COL9A2: variants seen among roughly 807,000 people sequenced by gnomAD.
The protein encoded by COL9A2 is collagen alpha-2(IX) chain.
COL9A2 carries 66 observed loss-of-function variants against 111.6 expected under a neutral mutation model. The observed-to-expected ratio is 0.59, with a 90% CI of 0.48 to 0.73. The LOEUF is 0.73. COL9A2 is among the 30% of genes least tolerant of loss of function. The pLI, the probability that COL9A2 is intolerant of heterozygous loss-of-function variation, is 0.00. For synonymous variants in COL9A2, 353 were observed against 364.1 expected (o/e 0.97, Z 0.35); for missense variants, 881 against 954.1 (o/e 0.92, Z 1.01).
At position 40,307,371 on chromosome 1, in the gene COL9A2, C is replaced by T. The variant is rs1557797860; in HGVS notation, c.1008+75G>A. Reference sequence around the variant, plus strand: ...CAAGAGGTGGTGATTGAGCAAGAGCCCCGGGTGTGTGTGGATTCTAACCTC... The same window carrying T: ...CAAGAGGTGGTGATTGAGCAAGAGCTCCGGGTGTGTGTGGATTCTAACCTC... On this transcript the variant is annotated intron_variant, in intron 19 of 31. Coordinates refer to ENST00000372748, the MANE Select transcript of COL9A2 (RefSeq NM_001852.4). This position sits in a 1 kb window ranked among gnomAD's most constrained non-coding sequence, Gnocchi z 4.8. 2 of 1,423,260 alleles carry T rather than the reference C, an allele frequency of 1.4e-6. No individual in the cohort carries two copies. The highest frequency in any genetic ancestry group is 2.4e-5 in the East Asian group (1 of 42,288). The allele number at this position is 1,423,260 out of a possible 1,614,324, so 88.2% of individuals were successfully genotyped here.
At position 40,311,822 on chromosome 1, in the gene COL9A2, T is replaced by A; in HGVS notation, c.418-107A>T. ...TGCCCTCTCCACCCTGTCTTCCCGG[T>A]CACTTTGTGAGATCCACCATCTTGG... On this transcript the variant is annotated intron_variant, in intron 8 of 31. Transcript: ENST00000372748. This position sits in a 1 kb window ranked among gnomAD's most constrained non-coding sequence, Gnocchi z 5.1. 1 of 1,240,468 alleles carries A rather than the reference T, an allele frequency of 8.1e-7. No individual in the cohort carries two copies. Among genetic ancestry groups the A allele is most frequent in the Non-Finnish European group, 1.2e-6 (1 of 846,084 alleles). 76.8% of individuals were successfully genotyped at this position (1,240,468 alleles called of 1,614,324 possible).
chr1:40,308,212 T>C lies in COL9A2; in HGVS notation c.880A>G (p.Thr294Ala), dbSNP rs1644060682. ...CCTACCGTTGCTCCTTTCGGGCCTG[T>C]GATCCCCTGGGGTCCACGAATACCT... ...SPGIRGPQGI[T>A]GPKGATGPPG... The change falls in exon 17 of 32, where the codon ACA (threonine) becomes GCA (alanine). Residue 294 changes from threonine to alanine, a missense_variant. Physicochemically the swap from Thr to Ala is moderately conservative, Grantham distance 58 (BLOSUM62 0). Transcript: ENST00000372748. The C allele has an allele frequency of 1.2e-6, 2 of 1,614,012 alleles. No individual in the cohort carries two copies. Among genetic ancestry groups the C allele is most frequent in the Non-Finnish European group, 1.7e-6 (2 of 1,180,026 alleles).
In COL9A2 at chr1:40,304,353, C is replaced by T. The variant is rs35454564; in HGVS notation, c.1254G>A (p.Gly418=). The part of the protein sequence containing the change: ...KGEQGPPGIP[G]PQGLPGVKGD... ...CTTTGACGCCTGGCAAGCCTTGGGG[C>T]CCTGGAATTCCGGGGGGGCCCTGCT... The change falls in exon 24 of 32, where the codon GGG becomes GGA. Residue 418 remains glycine, a synonymous_variant. Coordinates refer to ENST00000372748, the MANE Select transcript of COL9A2 (RefSeq NM_001852.4). 1 of 1,576,836 alleles carries T rather than the reference C, an allele frequency of 6.3e-7. No individual in the cohort carries two copies. The highest frequency in any genetic ancestry group is 8.6e-7 in the Non-Finnish European group (1 of 1,160,336).
rs1372635677 is a variant in COL9A2, at chr1:40,303,044, A to T, written c.1603+87T>A. 19 of 1,406,466 alleles carry T rather than the reference A, an allele frequency of 1.4e-5. No homozygotes were observed. In the Admixed American group the frequency reaches 3.5e-4, roughly 26 times the overall value. 87.1% of individuals were successfully genotyped at this position (1,406,466 alleles called of 1,614,324 possible). On this transcript the variant is annotated intron_variant, in intron 29 of 31. Coordinates refer to ENST00000372748, the MANE Select transcript of COL9A2 (RefSeq NM_001852.4). The surrounding 1 kb of genome is among the most constrained non-coding windows in gnomAD (Gnocchi z 4.6). Reference sequence around the variant, plus strand: ...AGCCCCCAGGACTCCAGATTTTCAGACAAGTGAACACGTGGAGGCTCCGGG... The same window carrying T: ...AGCCCCCAGGACTCCAGATTTTCAGTCAAGTGAACACGTGGAGGCTCCGGG...
At chr1:40,305,804 C>A in intron 20 of COL9A2, 36 bp from the exon 21 acceptor site, 1 of 1,600,178 alleles carries the variant, frequency 6.2e-7, no homozygotes, top group Non-Finnish European at 8.6e-7. Flanking sequence ...GTCTGGGTGG[C>A]CCAGTCAGGC....
intron 23 of COL9A2, 32 bp downstream of exon 23, chr1:40,304,444 C>T (rs202145904): frequency 1.5e-4 from 247 of 1,613,672 alleles, no homozygotes; most frequent in Non-Finnish European, 2.0e-4. Flanking sequence ...CTGGATATGA[C>T]GCCCTGCCCA....
chr1:40,312,212 CT>C lies in COL9A2; in HGVS notation c.364-101del, dbSNP rs34036643. 0.14 allele frequency: 115,683 copies of C among 826,096 alleles called. No individual in the cohort carries two copies. Among genetic ancestry groups the C allele is most frequent in the Middle Eastern group, 0.15 (547 of 3,560 alleles). 51.2% of individuals were successfully genotyped at this position (826,096 alleles called of 1,614,324 possible). On this transcript the variant is annotated intron_variant, in intron 7 of 31. Transcript: ENST00000372748. The surrounding 1 kb of genome is among the most constrained non-coding windows in gnomAD (Gnocchi z 6.0). ...CCCAAAGCCCGTTTCTCCACTTTTA[CT>C]TTTTTTTTTTTTTTGCCAACCCCAG...
At chr1:40,308,729 A>C (rs1220072096) in intron 16 of COL9A2, among the ~76,000 whole-genome samples, 1 of 152,194 alleles carries the variant, frequency 6.6e-6, no homozygotes, top group Admixed American at 6.5e-5. Flanking sequence ...TATTGTTTAG[A>C]GATATGTACA....
In COL9A2 at chr1:40,314,108, G is replaced by A. The variant is rs1173024988; in HGVS notation, c.249+97C>T. Reference sequence around the variant, plus strand: ...ACAGCTGGAGAATCTCCATCCTGCTGCCCATCTCTGAACAGATCAGTGAAG... The same window carrying A: ...ACAGCTGGAGAATCTCCATCCTGCTACCCATCTCTGAACAGATCAGTGAAG... On this transcript the variant is annotated intron_variant, in intron 4 of 31. Transcript: ENST00000372748. The surrounding 1 kb of genome is among the most constrained non-coding windows in gnomAD (Gnocchi z 4.1). 15 of 1,287,668 alleles carry A rather than the reference G, an allele frequency of 1.2e-5. No individual in the cohort carries two copies. The highest frequency in any genetic ancestry group is 1.7e-5 in the Non-Finnish European group (15 of 884,386). 79.8% of individuals were successfully genotyped at this position (1,287,668 alleles called of 1,614,324 possible). A position where few individuals can be genotyped will look rare whatever the true frequency, so the allele number is the denominator to read the frequency against.
Position 40,310,637 on chromosome 1 carries a change from C to T in COL9A2, c.684+77G>A, listed in dbSNP as rs1425431317. Reference sequence around the variant, plus strand: ...AGGTGTCTCTTTTACAAGCTAGAGGCCTGAGCAGGGGAATGACTCCATGAA... The same window carrying T: ...AGGTGTCTCTTTTACAAGCTAGAGGTCTGAGCAGGGGAATGACTCCATGAA... On this transcript the variant is annotated intron_variant, in intron 13 of 31. Transcript: ENST00000372748. The surrounding 1 kb of genome is among the most constrained non-coding windows in gnomAD (Gnocchi z 4.9). The T allele has an allele frequency of 2.6e-5, 33 of 1,274,382 alleles. 1 individual carries two copies. The highest frequency in any genetic ancestry group is 2.7e-5 in the Non-Finnish European group (24 of 893,970). The allele number at this position is 1,274,382 out of a possible 1,614,324, so 78.9% of individuals were successfully genotyped here.
intron 31 of COL9A2, 82 bp from the exon 32 acceptor site, chr1:40,301,463 T>A: frequency 7.8e-7 from 1 of 1,285,816 alleles, no homozygotes; most frequent in Middle Eastern, 1.9e-4. Context: ...ACTTTTCAGA[T>A]GGAGAAAATG....
Position 40,303,616 on chromosome 1 carries a change from C to T in COL9A2, c.1462G>A (p.Val488Ile), listed in dbSNP as rs1350125056. 1 of 1,601,622 alleles carries T rather than the reference C, an allele frequency of 6.2e-7. No homozygotes were observed. The highest frequency in any genetic ancestry group is 8.5e-7 in the Non-Finnish European group (1 of 1,174,966). The change falls in exon 28 of 32, where the codon GTT (valine) becomes ATT (isoleucine). Residue 488 changes from valine to isoleucine, a missense_variant. By Grantham distance (29) the Val-to-Ile change is conservative. Coordinates refer to ENST00000372748, the MANE Select transcript of COL9A2 (RefSeq NM_001852.4). This position sits in a 1 kb window ranked among gnomAD's most constrained non-coding sequence, Gnocchi z 4.6. ...CCGGGGGGACCAGGGTAGCCCTGAA[C>T]CCCTGGGGCGCCCGCATCCCCGCTG... ...GPSGDAGAPG[V>I]QGYPGPPGPR...
Position 40,307,793 on chromosome 1 carries a change from C to T in COL9A2, c.901-37G>A, listed in dbSNP as rs377596421. ...GAAAGTTCAAGGGAGAGTGATAATG[C>T]GGAGATGTCTGGGGTCTGGCCACCC... On this transcript the variant is annotated intron_variant, in intron 17 of 31. Coordinates refer to ENST00000372748, the MANE Select transcript of COL9A2 (RefSeq NM_001852.4). The surrounding 1 kb of genome is among the most constrained non-coding windows in gnomAD (Gnocchi z 4.8). 23 of 1,609,908 alleles carry T rather than the reference C, an allele frequency of 1.4e-5. No individual in the cohort carries two copies. The highest frequency in any genetic ancestry group is 1.3e-4 in the African/African-American group (10 of 74,818).
chr1:40,304,331 T>C lies in COL9A2; in HGVS notation c.1276A>G (p.Lys426Glu), dbSNP rs779012121. 1 of 1,564,072 alleles carries C rather than the reference T, an allele frequency of 6.4e-7. No individual in the cohort carries two copies. The highest frequency in any genetic ancestry group is 8.7e-7 in the Non-Finnish European group (1 of 1,153,494). Residue 426 changes from lysine to glutamate, a missense_variant, in exon 24 of 32, where the codon AAA becomes GAA. Coordinates refer to ENST00000372748, the MANE Select transcript of COL9A2 (RefSeq NM_001852.4). ...IPGPQGLPGV[K>E]GDKGSPGKTG... ...GCCCCATCTGGCACCTTGTCTCCTT[T>C]GACGCCTGGCAAGCCTTGGGGCCCT...
Position 40,315,682 on chromosome 1 carries a change from G to C in COL9A2, c.76-18C>G. 6.5e-7 allele frequency: 1 copy of C among 1,544,950 alleles called. No homozygotes were observed. The highest frequency in any genetic ancestry group is 8.8e-7 in the Non-Finnish European group (1 of 1,141,462). On this transcript the variant is annotated intron_variant, in intron 1 of 31. Transcript: ENST00000372748. ...GGACCTCTCTGAAAAACACACACGG[G>C]GTGGGGCAGTCCTCAGACAGTGCAG...
Position 40,301,165 on chromosome 1 carries a change from C to CCTGGGCCTGA in COL9A2, c.*16_*17insTCAGGCCCAG. On this transcript the variant is annotated 3_prime_UTR_variant, in exon 32 of 32. Coordinates refer to ENST00000372748, the MANE Select transcript of COL9A2 (RefSeq NM_001852.4). ...TTCCCGCCAGGATGCCTGCCAGGCT[C>CCTGGGCCTGA]TGTCTGGGCCTGATGCTCAAGGCCC... 6.2e-7 allele frequency: 1 copy of CCTGGGCCTGA among 1,612,508 alleles called. No homozygotes were observed. Among genetic ancestry groups the CCTGGGCCTGA allele is most frequent in the African/African-American group, 1.3e-5 (1 of 75,014 alleles).
rs764157850 is a variant in COL9A2 at position 40,311,139 on chromosome 1, G to A, written c.584C>T (p.Ala195Val). The change falls in exon 12 of 32, where the codon GCG becomes GTG. Residue 195 changes from alanine to valine, a missense_variant. Ala to Val is a moderately conservative substitution (Grantham distance 64). Transcript: ENST00000372748. The surrounding 1 kb of genome is among the most constrained non-coding windows in gnomAD (Gnocchi z 5.1). ...ATCACCCAGAATCCCGCGTTTGCCC[G>A]CATGCCCCTGAAGGGAAGGAGAGAG... Reference protein sequence around the residue: ...PPGLQGVKGHAGKRGILGDPG... With the variant: ...PPGLQGVKGHVGKRGILGDPG... 2.2e-5 allele frequency: 36 copies of A among 1,614,068 alleles called. No homozygotes were observed. Among genetic ancestry groups the A allele is most frequent in the African/African-American group, 2.7e-5 (2 of 74,926 alleles).
At position 40,312,891 on chromosome 1, in the gene COL9A2, G is replaced by T; in HGVS notation, c.250-107C>A. On this transcript the variant is annotated intron_variant, in intron 4 of 31. Coordinates refer to ENST00000372748, the MANE Select transcript of COL9A2 (RefSeq NM_001852.4). This position sits in a 1 kb window ranked among gnomAD's most constrained non-coding sequence, Gnocchi z 6.0. ...CCTGGGTGGGCCGAGGCTCCTTTTT[G>T]CCACACCTCATGAAGGCCTAGGAAC... The T allele has an allele frequency of 1.1e-6, 1 of 937,802 alleles. No individual in the cohort carries two copies. Among genetic ancestry groups the T allele is most frequent in the Non-Finnish European group, 1.7e-6 (1 of 591,892 alleles). The allele number at this position is 937,802 out of a possible 1,614,324, so 58.1% of individuals were successfully genotyped here. A position where few individuals can be genotyped will look rare whatever the true frequency, so the allele number is the denominator to read the frequency against.
chr1:40,302,845 T>C lies in COL9A2; in HGVS notation c.1604-36A>G. ...GGAGGGAGGGAGGGAGAGGGAAGTCTATGAGATGGGTGTCAGCAGTAACAC... is the reference window on the plus strand; with the variant it reads ...GGAGGGAGGGAGGGAGAGGGAAGTCCATGAGATGGGTGTCAGCAGTAACAC... On this transcript the variant is annotated intron_variant, in intron 29 of 31. Transcript: ENST00000372748. The surrounding 1 kb of genome is among the most constrained non-coding windows in gnomAD (Gnocchi z 4.5). 1 of 1,532,878 alleles carries C rather than the reference T, an allele frequency of 6.5e-7. No homozygotes were observed. The highest frequency in any genetic ancestry group is 8.8e-7 in the Non-Finnish European group (1 of 1,136,744). The allele number at this position is 1,532,878 out of a possible 1,614,324, so 95.0% of individuals were successfully genotyped here.
Sources: allele counts gnomAD v4.1 joint callset (sites outside exome capture counted in the v4.1 genomes callset), GRCh38; gene constraint gnomAD v4.1.1; non-coding constraint Gnocchi (gnomAD v3.1); transcripts MANE v1.5; gene names NCBI Gene and HGNC (gene_info 2026-07-23, HGNC 2026-07-21).